The following ZNF277 variants were observed in gnomAD, a reference collection of about 807,000 sequenced individuals.
ZNF277 encodes nuclear receptor-interacting factor 4.
A neutral mutation model predicts 60.7 loss-of-function variants in ZNF277; 55 were observed. The observed-to-expected ratio is 0.91, with a 90% CI of 0.73 to 1.13. The LOEUF (loss-of-function observed/expected upper bound fraction) is 1.13, where lower values mean the gene tolerates loss of function less well. ZNF277 is among the 50% of genes most tolerant of loss of function. The pLI, the probability that ZNF277 is intolerant of heterozygous loss-of-function variation, is 0.00. For synonymous variants in ZNF277, 178 were observed against 179.3 expected (o/e 0.99, Z 0.06); for missense variants, 510 against 523.0 (o/e 0.98, Z 0.24).
intron 7 of ZNF277, among the ~76,000 whole-genome samples, chr7:112,335,479 A>C (rs762473686): frequency 6.6e-6 from 1 of 152,166 alleles, no homozygotes; most frequent in South Asian, 2.1e-4. Context: ...TAGCGCCAAA[A>C]GAGTGGAACT....
chr7:112,206,739 G>C lies in ZNF277; in HGVS notation c.23G>C (p.Gly8Ala). The change falls in exon 1 of 12, where the codon GGG (glycine) becomes GCG (alanine). Residue 8 changes from glycine (G) to alanine (A), a missense_variant. Transcript: ENST00000361822. ...GTAATGGCTGCTTCCAAGACCCAGG[G>C]GGCTGTCGCCCGAATGCAGGAAGAC... is the stretch of plus-strand genomic sequence containing the variant. MAASKTQ[G>A]AVARMQEDRD... 1 of 1,613,232 alleles carries C rather than the reference G, an allele frequency of 6.2e-7. No individual in the cohort carries two copies. Among genetic ancestry groups the C allele is most frequent in the South Asian group, 1.1e-5 (1 of 91,024 alleles).
intron 5 of ZNF277, among the ~76,000 whole-genome samples, chr7:112,319,506 C>G (rs1220542695): frequency 6.6e-6 from 1 of 151,660 alleles, no homozygotes; most frequent in Admixed American, 6.6e-5. Context: ...AGGGGACAAT[C>G]AGAAAAATAT....
At chr7:112,282,760 C>A (rs1017701980) in intron 1 of ZNF277, among the ~76,000 whole-genome samples, 7 of 152,218 alleles carry the variant, frequency 4.6e-5, no homozygotes. Context: ...AAGATCTAAA[C>A]TCTTATGTAT....
At position 112,267,993 on chromosome 7, in the gene ZNF277, C is replaced by T. The variant is rs566348606; in HGVS notation, c.92-18880C>T. On this transcript the variant is annotated intron_variant, in intron 1 of 11. Transcript: ENST00000361822. ...TGACCCAGTTAAGACCCATTCATAT[C>T]AATCTGAATGATTTTGTGTGCCTAT... Among the ~76,000 whole-genome samples the T allele has an allele frequency of 5.9e-5, 9 of 152,246 alleles. No individual in the cohort carries two copies. The South Asian group carries it at 1.9e-3, about 32-fold the overall frequency.
At chr7:112,283,455 G>A (rs1174108053) in intron 1 of ZNF277, among the ~76,000 whole-genome samples, 2 of 152,100 alleles carry the variant, frequency 1.3e-5, no homozygotes, top group Non-Finnish European at 2.9e-5. Context: ...CCTGGGAGGC[G>A]GAGGTTGCAG....
rs939524173 is a variant in ZNF277 at position 112,343,806 on chromosome 7, G to A, written c.*1077G>A. On this transcript the variant is annotated 3_prime_UTR_variant, in exon 12 of 12. Transcript: ENST00000361822. ...CCAGGCATGGTGGAATGCACCTATA[G>A]TCCCAGCTACTTGGGAGGCTGAAGC... Among the ~76,000 whole-genome samples the A allele has an allele frequency of 2.0e-5, 3 of 151,674 alleles. No individual in the cohort carries two copies. The highest frequency in any genetic ancestry group is 4.4e-5 in the Non-Finnish European group (3 of 67,970).
At chr7:112,315,660 T>G (rs927911555) in intron 4 of ZNF277, among the ~76,000 whole-genome samples, 2 of 152,162 alleles carry the variant, frequency 1.3e-5, no homozygotes, top group Non-Finnish European at 2.9e-5. Flanking sequence ...GAGAATTGTC[T>G]TAGAAACCGT....
At chr7:112,262,204 A>C (rs999572163) in intron 1 of ZNF277, among the ~76,000 whole-genome samples, 3 of 148,876 alleles carry the variant, frequency 2.0e-5, no homozygotes, top group African/African-American at 7.5e-5. Flanking sequence ...GTCTTTCTTC[A>C]TGCCCTATCT....
intron 1 of ZNF277, among the ~76,000 whole-genome samples, chr7:112,214,901 T>C (rs1278931693): frequency 1.3e-5 from 2 of 152,162 alleles, no homozygotes. Context: ...ATTTGTAGCT[T>C]TTTAGCAGTG....
intron 4 of ZNF277, among the ~76,000 whole-genome samples, chr7:112,300,700 T>A (rs1284218461): frequency 6.6e-6 from 1 of 152,222 alleles, no homozygotes; most frequent in Non-Finnish European, 1.5e-5. Flanking sequence ...CCATTTGGAT[T>A]TCCAGTCCAC....
intron 11 of ZNF277, 21 bp from the exon 12 acceptor site, chr7:112,342,540 T>C (rs764544215): frequency 8.8e-6 from 14 of 1,587,046 alleles, no homozygotes; most frequent in Non-Finnish European, 1.2e-5. Context: ...TTTAATACTA[T>C]GTATCTGTGG....
chr7:112,291,061 A>G (rs1384419710), intron 2 of ZNF277, among the ~76,000 whole-genome samples: 2 of 152,170 alleles, frequency 1.3e-5, no homozygotes, highest in East Asian at 3.8e-4. Flanking sequence ...ATGAAACAAA[A>G]TAACACTAAA....
chr7:112,322,007 C>A (rs1792993856), intron 5 of ZNF277, among the ~76,000 whole-genome samples: 1 of 151,850 alleles, frequency 6.6e-6, no homozygotes, highest in Non-Finnish European at 1.5e-5. Flanking sequence ...TTGAGATTTT[C>A]CAGTCTTCGG....
intron 5 of ZNF277, among the ~76,000 whole-genome samples, chr7:112,324,544 A>T (rs1204314771): frequency 6.6e-6 from 1 of 152,180 alleles, no homozygotes. Context: ...GAAGCAGATC[A>T]CATAAGGTGC....
chr7:112,306,007 T>C (rs1327446020), intron 4 of ZNF277, among the ~76,000 whole-genome samples: 2 of 152,186 alleles, frequency 1.3e-5, no homozygotes, highest in African/African-American at 2.4e-5. Flanking sequence ...GATACCTTTG[T>C]ATCAACAGGA....
intron 2 of ZNF277, among the ~76,000 whole-genome samples, chr7:112,294,770 A>G (rs1002817408): frequency 6.6e-6 from 1 of 152,156 alleles, no homozygotes; most frequent in East Asian, 1.9e-4. Flanking sequence ...GCACCATGGT[A>G]TTGGAAAATT....
At chr7:112,311,653 CAT>C (rs1458283360) in intron 4 of ZNF277, among the ~76,000 whole-genome samples, 1 of 148,566 alleles carries the variant, frequency 6.7e-6, no homozygotes, top group Non-Finnish European at 1.5e-5. Context: ...TGACTTCAAA[CAT>C]ATGCCACAGC....
intron 4 of ZNF277, among the ~76,000 whole-genome samples, chr7:112,304,220 T>C (rs566629985): frequency 6.8e-4 from 103 of 152,266 alleles, no homozygotes; most frequent in African/African-American, 2.4e-3. Context: ...GTTTTTGTTT[T>C]AGTACAGTTA....
intron 7 of ZNF277, among the ~76,000 whole-genome samples, chr7:112,331,910 T>G (rs1793235554): frequency 6.6e-6 from 1 of 152,200 alleles, no homozygotes; most frequent in Non-Finnish European, 1.5e-5. Context: ...TAGCAGAACA[T>G]TATATAGCTG....
Sources: allele counts gnomAD v4.1 joint callset (sites outside exome capture counted in the v4.1 genomes callset), GRCh38; gene constraint gnomAD v4.1.1; transcripts MANE v1.5; gene names NCBI Gene and HGNC (gene_info 2026-07-23, HGNC 2026-07-21).